The following FHL2 variants were observed in gnomAD, a reference collection of about 807,000 sequenced individuals.
FHL2 encodes four and a half LIM domains 2, also known as four and a half LIM domains protein 2.
In FHL2, 20 loss-of-function variants were observed where a neutral mutation model predicts 32.7. The ratio of observed to expected loss-of-function variants is 0.61; its 90% CI spans 0.43 to 0.89. FHL2 has a LOEUF of 0.89. Ranked by LOEUF, FHL2 falls within the 40% of genes least tolerant of loss-of-function variation. The pLI is 0.00. For synonymous variants in FHL2, 123 were observed against 128.1 expected, an observed-to-expected ratio of 0.96 and a Z score of 0.27; for missense variants, 311 against 358.6, an observed-to-expected ratio of 0.87 and a Z score of 1.07.
At chr2:105,400,085 C>T (rs1683408748), upstream of FHL2, among the ~76,000 whole-genome samples, 1 of 152,286 alleles carries the variant, frequency 6.6e-6, no homozygotes, top group Admixed American at 6.5e-5. Flanking sequence ...AGCTTCCACT[C>T]GGTGAGCACT....
At chr2:105,416,087 C>T (rs1366017559) in intron 1 of FHL2, among the ~76,000 whole-genome samples, 1 of 152,150 alleles carries the variant, frequency 6.6e-6, no homozygotes, top group African/African-American at 2.4e-5. Flanking sequence ...TTAAGAATCC[C>T]AAAGGGCTTT....
At chr2:105,381,217 G>A (rs1277618560) in intron 3 of FHL2, among the ~76,000 whole-genome samples, 1 of 152,262 alleles carries the variant, frequency 6.6e-6, no homozygotes, top group East Asian at 1.9e-4. Context: ...GTTATGAAAA[G>A]ATATTTTCTG....
intron 1 of FHL2, among the ~76,000 whole-genome samples, chr2:105,417,394 A>G (rs1222259802): frequency 6.8e-6 from 1 of 146,056 alleles, no homozygotes; most frequent in Admixed American, 6.8e-5. Flanking sequence ...AAAGAAAAAA[A>G]AAATGTGTTG....
chr2:105,401,089 T>C (rs1683453717), upstream of FHL2, among the ~76,000 whole-genome samples: 1 of 150,762 alleles, frequency 6.6e-6, no homozygotes, highest in Non-Finnish European at 1.5e-5. Flanking sequence ...TTTTGGATCT[T>C]ATTGGATTCT....
At chr2:105,372,734 A>T (rs1005580966) in intron 4 of FHL2, among the ~76,000 whole-genome samples, 3 of 151,938 alleles carry the variant, frequency 2.0e-5, no homozygotes, top group African/African-American at 7.3e-5. Flanking sequence ...GGTTGCAGTG[A>T]GTCAAGATTG....
chr2:105,416,109 G>A (rs1401231786), intron 1 of FHL2, among the ~76,000 whole-genome samples: 1 of 152,076 alleles, frequency 6.6e-6, no homozygotes, highest in African/African-American at 2.4e-5. Context: ...GTTTATGTAG[G>A]TTATATCTAT....
upstream of FHL2, chr2:105,399,251 G>T (rs1202017988): frequency 1.3e-6 from 2 of 1,535,322 alleles, no homozygotes; most frequent in Non-Finnish European, 8.7e-7. Context: ...CTTTCTTCGT[G>T]CCCTCCGGGT....
intron 1 of FHL2, among the ~76,000 whole-genome samples, chr2:105,423,520 A>G (rs1684168250): frequency 6.6e-6 from 1 of 152,228 alleles, no homozygotes; most frequent in African/African-American, 2.4e-5. Flanking sequence ...GATCACAGCC[A>G]TTGAGGAATC....
chr2:105,418,203 G>A (rs1021109969), intron 1 of FHL2, among the ~76,000 whole-genome samples: 11 of 152,014 alleles, frequency 7.2e-5, no homozygotes, highest in East Asian at 1.9e-4. Flanking sequence ...TTGACTCTGC[G>A]AATGGCCACC....
intron 1 of FHL2, among the ~76,000 whole-genome samples, chr2:105,428,037 G>A (rs1294530572): frequency 6.6e-6 from 1 of 152,216 alleles, no homozygotes; most frequent in East Asian, 1.9e-4. Flanking sequence ...ACACTGTGAT[G>A]CTCACATTAA....
intron 2 of FHL2, chr2:105,389,760 G>A (rs969326665): frequency 2.0e-5 from 3 of 152,214 alleles, no homozygotes; most frequent in Non-Finnish European, 4.4e-5. Flanking sequence ...CTAGGGAAGG[G>A]AGACAGTCTA....
At chr2:105,369,091 C>T (rs999299926) in intron 4 of FHL2, among the ~76,000 whole-genome samples, 3 of 152,172 alleles carry the variant, frequency 2.0e-5, no homozygotes, top group Admixed American at 1.3e-4. Context: ...GTCCACAAAG[C>T]CCCAAATATT....
At chr2:105,393,101 C>T (rs1558710767) in intron 2 of FHL2, among the ~76,000 whole-genome samples, 1 of 151,966 alleles carries the variant, frequency 6.6e-6, no homozygotes, top group Non-Finnish European at 1.5e-5. Flanking sequence ...TGGCAGATCC[C>T]TACAGGTAAA....
At chr2:105,416,730 T>C (rs1186983982) in intron 1 of FHL2, among the ~76,000 whole-genome samples, 3 of 152,214 alleles carry the variant, frequency 2.0e-5, no homozygotes, top group African/African-American at 7.2e-5. Context: ...GTAATTGATA[T>C]CACCATCCAT....
At chr2:105,368,662 AGCTGGACTCACT>A (rs1329485274) in intron 4 of FHL2, among the ~76,000 whole-genome samples, 5 of 152,172 alleles carry the variant, frequency 3.3e-5, no homozygotes, top group Admixed American at 3.3e-4. Context: ...GCCACCACCA[AGCTGGACTCACT>A]GCAAGTGCTC....
intron 3 of FHL2, among the ~76,000 whole-genome samples, chr2:105,381,670 C>T (rs1440955964): frequency 1.1e-4 from 16 of 152,100 alleles, no homozygotes; most frequent in Admixed American, 1.0e-3. Flanking sequence ...GATTAAATTC[C>T]CTTCACAGAC....
intron 1 of FHL2, among the ~76,000 whole-genome samples, chr2:105,432,376 T>G (rs529000649): frequency 1.1e-4 from 16 of 152,332 alleles, no homozygotes; most frequent in African/African-American, 3.4e-4. Flanking sequence ...TTGACTGTCT[T>G]GTTTGACCTC....
intron 1 of FHL2, among the ~76,000 whole-genome samples, chr2:105,428,465 G>C (rs1002442310): frequency 5.3e-5 from 8 of 152,224 alleles, no homozygotes; most frequent in African/African-American, 1.9e-4. Context: ...TGGCTGGTTT[G>C]CTGGGCCTTG....
chr2:105,373,944 G>A, intron 3 of FHL2: 1 of 585,588 alleles, frequency 1.7e-6, no homozygotes, highest in South Asian at 2.0e-5. Context: ...TAGAGCAACA[G>A]GTTAGACAGA....
Sources: gnomAD v4.1 joint callset for allele counts (sites outside exome capture counted in the v4.1 genomes callset) on GRCh38, gnomAD v4.1.1 for gene constraint, MANE v1.5 for transcripts, NCBI Gene and HGNC (gene_info 2026-07-23, HGNC 2026-07-21) for gene names.